TAFA1: variants seen among roughly 807,000 people sequenced by gnomAD.
TAFA1 encodes chemokine-like protein TAFA-1.
A neutral mutation model predicts 18.5 loss-of-function variants in TAFA1; 4 were observed. The observed-to-expected ratio is 0.22, with a 90% CI of 0.11 to 0.49. The LOEUF (loss-of-function observed/expected upper bound fraction) is 0.49, where lower values mean the gene tolerates loss of function less well. Ranked by LOEUF, TAFA1 falls within the 20% of genes least tolerant of loss-of-function variation. The pLI, the probability that TAFA1 is intolerant of heterozygous loss-of-function variation, is 0.98. For synonymous variants in TAFA1, 56 were observed against 55.2 expected (o/e 1.01, Z -0.06); for missense variants, 147 against 169.0 (o/e 0.87, Z 0.72).
At chr3:68,387,064 T>A (rs146609665) in intron 2 of TAFA1, among the ~76,000 whole-genome samples, 65 of 152,048 alleles carry the variant, frequency 4.3e-4, no homozygotes, top group East Asian at 3.5e-3. Flanking sequence ...ATTTTATTTT[T>A]TTTTTTGGTG....
In TAFA1 at chr3:68,230,130, C is replaced by G. The variant is rs1047197249; in HGVS notation, c.119-187150C>G. Among the ~76,000 whole-genome samples the G allele has an allele frequency of 3.9e-5, 6 of 152,186 alleles. No homozygotes were observed. In the East Asian group the frequency reaches 5.8e-4, roughly 15 times the overall value. Reference sequence around the variant, plus strand: ...TCTTTGTGTTAGGAACATTCCAATTCTAGTCTTCTAGTTATTTTTAAATAT... The same window carrying G: ...TCTTTGTGTTAGGAACATTCCAATTGTAGTCTTCTAGTTATTTTTAAATAT... On this transcript the variant is annotated intron_variant, in intron 2 of 4. Coordinates refer to ENST00000478136, the MANE Select transcript of TAFA1 (RefSeq NM_213609.4).
chr3:68,148,700 C>A (rs1024319283), intron 2 of TAFA1, among the ~76,000 whole-genome samples: 4 of 152,184 alleles, frequency 2.6e-5, no homozygotes, highest in African/African-American at 9.7e-5. Flanking sequence ...TCATCCTCAT[C>A]AAGCAGCAGA....
chr3:68,078,963 C>T (rs943931939), intron 2 of TAFA1, among the ~76,000 whole-genome samples: 4 of 152,178 alleles, frequency 2.6e-5, no homozygotes, highest in African/African-American at 4.8e-5. Context: ...GGCTGGTAAG[C>T]TATTGATTGT....
intron 2 of TAFA1, among the ~76,000 whole-genome samples, chr3:68,349,056 G>A (rs1012286398): frequency 1.3e-5 from 2 of 151,416 alleles, no homozygotes; most frequent in Non-Finnish European, 2.9e-5. Context: ...ATAGGAGACT[G>A]ATTTCTTTTT....
intron 3 of TAFA1, among the ~76,000 whole-genome samples, chr3:68,456,239 T>C (rs1224706500): frequency 1.3e-5 from 2 of 152,128 alleles, no homozygotes; most frequent in Admixed American, 6.6e-5. Context: ...TTAGCAACTT[T>C]ATATATAAGG....
intron 2 of TAFA1, among the ~76,000 whole-genome samples, chr3:68,264,775 AC>A (rs2067510769): frequency 6.8e-6 from 1 of 147,850 alleles, no homozygotes; most frequent in Non-Finnish European, 1.5e-5. Flanking sequence ...GACAGACCAA[AC>A]TTTTGACAAA....
Position 68,056,981 on chromosome 3 carries a change from G to C in TAFA1, c.118+50237G>C, listed in dbSNP as rs2064544755. 2.0e-5 allele frequency among the ~76,000 whole-genome samples: 3 copies of C among 152,080 alleles called. No homozygotes were observed. In the South Asian group the frequency reaches 6.2e-4, roughly 32 times the overall value. ...TTAAGTTGACATCATCATAGTAAGGGAGTGGCTGACTGGTCACGACTTATT... is the reference window on the plus strand; with the variant it reads ...TTAAGTTGACATCATCATAGTAAGGCAGTGGCTGACTGGTCACGACTTATT... On this transcript the variant is annotated intron_variant, in intron 2 of 4. Transcript: ENST00000478136.
intron 2 of TAFA1, among the ~76,000 whole-genome samples, chr3:68,096,596 G>A (rs2065089953): frequency 6.6e-6 from 1 of 152,050 alleles, no homozygotes; most frequent in South Asian, 2.1e-4. Context: ...GGAAACTAAG[G>A]CTTGGAGAAG....
intron 2 of TAFA1, among the ~76,000 whole-genome samples, chr3:68,187,467 A>G (rs2066284940): frequency 1.3e-5 from 2 of 152,024 alleles, no homozygotes; most frequent in Non-Finnish European, 1.5e-5. Context: ...TGATACACTC[A>G]TTGTGGCTTC....
At chr3:68,308,330 A>G (rs1204324931) in intron 2 of TAFA1, among the ~76,000 whole-genome samples, 2 of 152,142 alleles carry the variant, frequency 1.3e-5, no homozygotes, top group African/African-American at 2.4e-5. Context: ...AGTTTTATTA[A>G]AAGTTATTTG....
chr3:68,036,524 A>T (rs1705052879), intron 2 of TAFA1, among the ~76,000 whole-genome samples: 1 of 151,942 alleles, frequency 6.6e-6, no homozygotes, highest in Non-Finnish European at 1.5e-5. Context: ...CCCTGGCATC[A>T]TTTATAAGTT....
intron 2 of TAFA1, among the ~76,000 whole-genome samples, chr3:68,293,691 T>C (rs183198976): frequency 9.6e-4 from 146 of 152,338 alleles, no homozygotes; most frequent in Non-Finnish European, 2.0e-3. Context: ...GTTCTCTTCA[T>C]AACGCATTTG....
intron 3 of TAFA1, among the ~76,000 whole-genome samples, chr3:68,508,088 T>C (rs908979784): frequency 6.6e-6 from 1 of 152,114 alleles, no homozygotes; most frequent in African/African-American, 2.4e-5. Flanking sequence ...TGATGAGGGC[T>C]CTCTTCTTGG....
rs145319874 is a variant in TAFA1 at position 68,424,922 on chromosome 3, G to A, written c.259+7502G>A. 1.4e-4 allele frequency among the ~76,000 whole-genome samples: 22 copies of A among 152,136 alleles called. No individual in the cohort carries two copies. In the East Asian group the frequency reaches 4.3e-3, roughly 29 times the overall value. On this transcript the variant is annotated intron_variant, in intron 3 of 4. Transcript: ENST00000478136. ...AGACTTGGGGCCATGATGCTGTAGA[G>A]TCTGTGGACTATGATTTGTTTTTTA...
At chr3:68,486,107 A>G (rs62245846) in intron 3 of TAFA1, among the ~76,000 whole-genome samples, 1,731 of 76,988 alleles carry the variant, frequency 0.022, 29 homozygotes, top group African/African-American at 0.05. Context: ...ATTTTGTTTT[A>G]TTTTATTTTA....
chr3:68,234,044 T>C (rs2066900480), intron 2 of TAFA1, among the ~76,000 whole-genome samples: 1 of 152,234 alleles, frequency 6.6e-6, no homozygotes, highest in Admixed American at 6.5e-5. Flanking sequence ...CTGCTGAGTC[T>C]CGCTTTGCTG....
At chr3:68,372,178 C>A (rs931033242) in intron 2 of TAFA1, among the ~76,000 whole-genome samples, 1 of 152,074 alleles carries the variant, frequency 6.6e-6, no homozygotes, top group African/African-American at 2.4e-5. Context: ...AATAAGTGAA[C>A]AAAGAATCAT....
intron 2 of TAFA1, among the ~76,000 whole-genome samples, chr3:68,291,278 G>A (rs760244731): frequency 2.4e-4 from 37 of 152,030 alleles, no homozygotes; most frequent in Non-Finnish European, 4.7e-4. Context: ...TGTTGTCTAG[G>A]CCCAAACACA....
intron 2 of TAFA1, among the ~76,000 whole-genome samples, chr3:68,084,333 C>G (rs928538427): frequency 3.9e-5 from 6 of 152,142 alleles, no homozygotes; most frequent in African/African-American, 1.4e-4. Flanking sequence ...AAGAATTTCT[C>G]TTTATGTATG....
Sources: allele counts gnomAD v4.1 joint callset (sites outside exome capture counted in the v4.1 genomes callset), GRCh38; gene constraint gnomAD v4.1.1; transcripts MANE v1.5; gene names NCBI Gene and HGNC (gene_info 2026-07-23, HGNC 2026-07-21).